The following CPLANE1 variants were observed in gnomAD, a reference collection of about 807,000 sequenced individuals.
CPLANE1 encodes ciliogenesis and planar polarity effector 1.
A neutral mutation model predicts 362.5 loss-of-function variants in CPLANE1; 263 were observed. The observed-to-expected ratio is 0.73, with a 90% confidence interval of 0.66 to 0.80. CPLANE1 has a LOEUF of 0.80. CPLANE1 is among the 30% of genes least tolerant of loss of function. The pLI, the probability that CPLANE1 is intolerant of heterozygous loss-of-function variation, is 0.00. For missense variants in CPLANE1, 3,461 were observed against 3,793.4 expected, an observed-to-expected ratio of 0.91 and a Z score of 2.30; for synonymous variants, 1,212 against 1,302.6, an observed-to-expected ratio of 0.93 and a Z score of 1.50.
In CPLANE1 at chr5:37,107,614, G is replaced by A; in HGVS notation, c.9744C>T (p.Ala3248=). The A allele has an allele frequency of 3.1e-6, 5 of 1,609,814 alleles. No homozygotes were observed. Among genetic ancestry groups the A allele is most frequent in the Non-Finnish European group, 4.2e-6 (5 of 1,178,652 alleles). The change falls in exon 53 of 53, where the codon GCC becomes GCT. Residue 3248 remains alanine (A), a synonymous_variant. Coordinates refer to ENST00000651892, the MANE Select transcript of CPLANE1 (RefSeq NM_001384732.1). Reference sequence around the variant, plus strand: ...TGATATCCAGGTCTTACAGGTCCAGGGCCCAGTGGACAGACAGGCCCTGGT... The same window carrying A: ...TGATATCCAGGTCTTACAGGTCCAGAGCCCAGTGGACAGACAGGCCCTGGT... ...VEDQGLSVHW[A]LDL
chr5:37,099,387 T>C, the CPLANE1 span, among the ~76,000 whole-genome samples: 1 of 152,314 alleles, frequency 6.6e-6, no homozygotes, highest in African/African-American at 2.4e-5. Context: ...AGTGAGAACA[T>C]GCAGTGTTTG....
At chr5:37,102,247 G>T (rs1486750266), downstream of CPLANE1, among the ~76,000 whole-genome samples, 1 of 152,056 alleles carries the variant, frequency 6.6e-6, no homozygotes, top group African/African-American at 2.4e-5. Flanking sequence ...GAGTGTAGTG[G>T]TGCGATCTTG....
intron 21 of CPLANE1, among the ~76,000 whole-genome samples, chr5:37,192,026 G>A (rs1029757448): frequency 6.6e-6 from 1 of 152,038 alleles, no homozygotes; most frequent in Admixed American, 6.6e-5. Context: ...TGACTCCCCT[G>A]GGGCAAAAAC....
chr5:37,238,487 C>CTTTTTTTT lies in CPLANE1; in HGVS notation c.938+362_938+369dup, dbSNP rs869153501. ...CGTGAGCCACAGCGCCCAGCCTTTT[C>CTTTTTTTT]TTTTTTTTTTTTTTTTTTTTTTTTT... On this transcript the variant is annotated intron_variant, in intron 8 of 52. Coordinates refer to ENST00000651892, the MANE Select transcript of CPLANE1 (RefSeq NM_001384732.1). 9.6e-4 allele frequency among the ~76,000 whole-genome samples: 77 copies of CTTTTTTTT among 80,622 alleles called. 2 individuals carry two copies. Among genetic ancestry groups the CTTTTTTTT allele is most frequent in the Non-Finnish European group, 1.2e-3 (51 of 43,048 alleles). 52.9% of individuals were successfully genotyped at this position (80,622 alleles called of 152,430 possible). A position where few individuals can be genotyped will look rare whatever the true frequency, so the allele number is the denominator to read the frequency against.
the CPLANE1 span, among the ~76,000 whole-genome samples, chr5:37,100,243 T>C: frequency 6.6e-6 from 1 of 152,168 alleles, no homozygotes; most frequent in South Asian, 2.1e-4. Context: ...TAGTTTTGGG[T>C]TTTATATTTA....
intron 19 of CPLANE1, among the ~76,000 whole-genome samples, chr5:37,200,409 T>G (rs1187157441): frequency 6.6e-6 from 1 of 152,198 alleles, no homozygotes; most frequent in African/African-American, 2.4e-5. Context: ...CTAAACCAAT[T>G]ACTAAAGACT....
At chr5:37,147,621 A>C (rs1330159583) in intron 43 of CPLANE1, among the ~76,000 whole-genome samples, 1 of 152,168 alleles carries the variant, frequency 6.6e-6, no homozygotes, top group Admixed American at 6.5e-5. Context: ...AAACTGAGAA[A>C]CAAAGAGAAT....
chr5:37,228,442 A>AT (rs543332549), intron 9 of CPLANE1, among the ~76,000 whole-genome samples: 3 of 152,164 alleles, frequency 2.0e-5, no homozygotes, highest in South Asian at 2.1e-4. Context: ...TCAAATACAG[A>AT]TTTTTTTTAT....
intron 37 of CPLANE1, among the ~76,000 whole-genome samples, chr5:37,163,082 C>G (rs991251019): frequency 1.3e-5 from 2 of 152,178 alleles, no homozygotes; most frequent in Admixed American, 1.3e-4. Context: ...AGCTTAGAAA[C>G]CTAGATATTC....
intron 51 of CPLANE1, among the ~76,000 whole-genome samples, chr5:37,111,012 T>A (rs1036256461): frequency 4.0e-5 from 6 of 151,564 alleles, no homozygotes; most frequent in African/African-American, 1.5e-4. Flanking sequence ...TTTCACCGTG[T>A]TAGCCAGGAT....
the CPLANE1 span, among the ~76,000 whole-genome samples, chr5:37,077,644 C>T: frequency 9.2e-5 from 11 of 119,474 alleles, no homozygotes; most frequent in East Asian, 7.3e-4. Flanking sequence ...GACAGGGTCT[C>T]GCTCTGTTAC....
At chr5:37,184,431 A>G (rs1219044387) in intron 25 of CPLANE1, among the ~76,000 whole-genome samples, 1 of 152,032 alleles carries the variant, frequency 6.6e-6, no homozygotes, top group Non-Finnish European at 1.5e-5. Context: ...TTAAGGAAAA[A>G]TTTCCTTAAA....
intron 6 of CPLANE1, among the ~76,000 whole-genome samples, chr5:37,241,554 T>C (rs1050472797): frequency 2.0e-5 from 3 of 152,202 alleles, no homozygotes; most frequent in Non-Finnish European, 4.4e-5. Context: ...ATCCAAGTGA[T>C]ATATACATTT....
chr5:37,149,219 A>G (rs1325485240), intron 42 of CPLANE1, among the ~76,000 whole-genome samples: 1 of 152,132 alleles, frequency 6.6e-6, no homozygotes, highest in Admixed American at 6.5e-5. Context: ...GGTAGTACCG[A>G]ACCTTATATA....
chr5:37,148,372 G>A, intron 42 of CPLANE1, 104 bp from the exon 43 acceptor site: 3 of 712,850 alleles, frequency 4.2e-6, no homozygotes, highest in Admixed American at 3.2e-5. Flanking sequence ...ATGCAAAAGT[G>A]AAAAAAATGG....
intron 16 of CPLANE1, among the ~76,000 whole-genome samples, chr5:37,207,936 T>C (rs1172252448): frequency 6.6e-6 from 1 of 151,926 alleles, no homozygotes; most frequent in Non-Finnish European, 1.5e-5. Flanking sequence ...GGTTTTTTTG[T>C]TGTTGTTGTT....
chr5:37,226,984 A>G lies in CPLANE1; in HGVS notation c.1611T>C (p.Ser537=). 1 of 1,551,602 alleles carries G rather than the reference A, an allele frequency of 6.4e-7. No individual in the cohort carries two copies. The highest frequency in any genetic ancestry group is 8.7e-7 in the Non-Finnish European group (1 of 1,146,912). ...ATTCCAATCTTCCTTCCTTCATACT[A>G]CTACACAGCACATCATCTCTTTTGT... ...FWNKRDDVLC[S]SMKEGRLEFA... is the part of the protein sequence containing the mutation. Residue 537 remains serine (S), a synonymous_variant, in exon 12 of 53, where the codon AGT becomes AGC. Coordinates refer to ENST00000651892, the MANE Select transcript of CPLANE1 (RefSeq NM_001384732.1).
chr5:37,158,827 C>T, intron 38 of CPLANE1, among the ~76,000 whole-genome samples: 1 of 147,192 alleles, frequency 6.8e-6, no homozygotes, highest in East Asian at 2.0e-4. Context: ...CTCGCTCTGT[C>T]ACCCAGGCTG....
chr5:37,148,300 G>C lies in CPLANE1; in HGVS notation c.8374-32C>G, dbSNP rs528592344. On this transcript the variant is annotated intron_variant, in intron 42 of 52. Coordinates refer to ENST00000651892, the MANE Select transcript of CPLANE1 (RefSeq NM_001384732.1). ...AAAAAACACACACAACAAAACAACA[G>C]TAATACTTTGATAATTTCAAAATAA... 2.9e-6 allele frequency: 4 copies of C among 1,394,742 alleles called. No individual in the cohort carries two copies. In the South Asian group the frequency reaches 5.1e-5, roughly 18 times the overall value. 86.4% of individuals were successfully genotyped at this position (1,394,742 alleles called of 1,614,324 possible).
Sources: allele counts gnomAD v4.1 joint callset (sites outside exome capture counted in the v4.1 genomes callset), GRCh38; gene constraint gnomAD v4.1.1; transcripts MANE v1.5; gene names NCBI Gene and HGNC (gene_info 2026-07-23, HGNC 2026-07-21).